The following ZFYVE19 variants were observed in gnomAD, a reference collection of about 807,000 sequenced individuals.
ZFYVE19 encodes the protein zinc finger FYVE-type containing 19.
In ZFYVE19, 49 loss-of-function variants were observed where a neutral mutation model predicts 62.8. The ratio of observed to expected loss-of-function variants is 0.78; its 90% CI spans 0.62 to 0.99. ZFYVE19 has a LOEUF of 0.99. Among genes scored for constraint, ZFYVE19 ranks in the 50% least tolerant of loss-of-function variants. The pLI is 0.00. For synonymous variants in ZFYVE19, 242 were observed against 234.3 expected (o/e 1.03, Z -0.30); for missense variants, 630 against 601.9 (o/e 1.05, Z -0.49).
At chr15:40,813,452 C>A in intron 8 of ZFYVE19, 35 bp downstream of exon 8, 1 of 1,561,580 alleles carries the variant, frequency 6.4e-7, no homozygotes, top group South Asian at 1.2e-5. Context: ...ACCCCTTGTC[C>A]CGTCTCCGCC....
At chr15:40,810,961 T>C (rs1038742488) in intron 6 of ZFYVE19, 1 of 578,950 alleles carries the variant, frequency 1.7e-6, no homozygotes, top group Non-Finnish European at 2.9e-6. Flanking sequence ...CAGACAGTGA[T>C]TCCCATTTCT....
In ZFYVE19 at chr15:40,807,821, A is replaced by T. The variant is rs770919977; in HGVS notation, c.232A>T (p.Ser78Cys). 1 of 1,542,062 alleles carries T rather than the reference A, an allele frequency of 6.5e-7. No individual in the cohort carries two copies. The highest frequency in any genetic ancestry group is 1.2e-5 in the South Asian group (1 of 82,254). Residue 78 changes from serine to cysteine, a missense_variant, in exon 1 of 11, where the codon AGT becomes TGT. Physicochemically the swap from Ser to Cys is moderately radical, Grantham distance 112 (BLOSUM62 -1). Transcript: ENST00000355341. ...TGCGGTGCTGGGAGCCACCATGGAG[A>T]GTAGGTGCTACGGCTGCGCTGTCAA... ...DPAVLGATMESRCYGCAVKFT... is the reference protein window; with the variant it reads ...DPAVLGATMECRCYGCAVKFT...
At position 40,807,771 on chromosome 15, in the gene ZFYVE19, G is replaced by A; in HGVS notation, c.182G>A (p.Arg61Gln). Residue 61 changes from arginine (R) to glutamine (Q), a missense_variant, in exon 1 of 11, where the codon CGG becomes CAG. Coordinates refer to ENST00000355341, the MANE Select transcript of ZFYVE19 (RefSeq NM_001077268.2). ...GEGPRGPGLG[R>Q]RDLSSADPAV... is the part of the protein sequence containing the mutation. Reference sequence around the variant, plus strand: ...GGTCCAAGGGGCCCAGGACTTGGCCGGCGTGATCTCAGCTCTGCAGACCCT... The same window carrying A: ...GGTCCAAGGGGCCCAGGACTTGGCCAGCGTGATCTCAGCTCTGCAGACCCT... The A allele has an allele frequency of 6.3e-7, 1 of 1,583,214 alleles. No individual in the cohort carries two copies. Among genetic ancestry groups the A allele is most frequent in the Non-Finnish European group, 8.6e-7 (1 of 1,169,072 alleles).
rs1299878217 is a variant in ZFYVE19 at position 40,809,850 on chromosome 15, A to G, written c.453-2A>G. ...AAGAGCCTCTATCTCATATCCTGCC[A>G]GGCGTGTGGCAGCCTTGGAAGCCAA... On this transcript the variant is annotated splice_acceptor_variant, in intron 3 of 10. Transcript: ENST00000355341. LOFTEE classifies it high-confidence loss of function. 6.2e-7 allele frequency: 1 copy of G among 1,614,150 alleles called. No individual in the cohort carries two copies.
At chr15:40,811,285 T>C (rs1344584105) in intron 6 of ZFYVE19, among the ~76,000 whole-genome samples, 2 of 152,248 alleles carry the variant, frequency 1.3e-5, no homozygotes, top group African/African-American at 2.4e-5. Flanking sequence ...ATATGGAATG[T>C]TTCCATCATC....
In ZFYVE19 at chr15:40,814,079, A is replaced by C. The variant is rs142113359; in HGVS notation, c.1337+9A>C. ...TGTGCCCGCTGCTTCCGGTGGGTGCAGGTGGAATGTTCTGTGCGAGAGCTC... is the reference window on the plus strand; with the variant it reads ...TGTGCCCGCTGCTTCCGGTGGGTGCCGGTGGAATGTTCTGTGCGAGAGCTC... On this transcript the variant is annotated intron_variant, in intron 10 of 10. Coordinates refer to ENST00000355341, the MANE Select transcript of ZFYVE19 (RefSeq NM_001077268.2). 117 of 1,614,100 alleles carry C rather than the reference A, an allele frequency of 7.2e-5. No individual in the cohort carries two copies. The African/African-American group carries it at 1.4e-3, about 20-fold the overall frequency.
intron 6 of ZFYVE19, among the ~76,000 whole-genome samples, chr15:40,811,266 T>A (rs545464306): frequency 2.0e-5 from 3 of 152,214 alleles, no homozygotes; most frequent in African/African-American, 7.2e-5. Flanking sequence ...AGCACAGATA[T>A]AGAACATGAT....
At position 40,811,266 on chromosome 15, in the gene ZFYVE19, T is replaced by C. The variant is rs545464306; in HGVS notation, c.826+509T>C. On this transcript the variant is annotated intron_variant, in intron 6 of 10. Transcript: ENST00000355341. ...GCTACCATCTTGGACAGCACAGATA[T>C]AGAACATGATATGGAATGTTTCCAT... Among the ~76,000 whole-genome samples, 9 of 152,332 alleles carry C rather than the reference T, an allele frequency of 5.9e-5. No individual in the cohort carries two copies. The South Asian group carries it at 6.2e-4, about 11-fold the overall frequency.
At position 40,814,331 on chromosome 15, in the gene ZFYVE19, G is replaced by A; in HGVS notation, c.*105G>A. The A allele has an allele frequency of 7.0e-6, 9 of 1,281,186 alleles. No individual in the cohort carries two copies. The highest frequency in any genetic ancestry group is 7.7e-6 in the Non-Finnish European group (7 of 909,546). The allele number at this position is 1,281,186 out of a possible 1,614,324, so 79.4% of individuals were successfully genotyped here. On this transcript the variant is annotated 3_prime_UTR_variant, in exon 11 of 11. Transcript: ENST00000355341. ...GGAGAGCTTGTCTGGCTCTACTGAT[G>A]ATGGATAGGCCCCTTCCTGAGCCTT...
At chr15:40,814,098 A>T in intron 10 of ZFYVE19, 28 bp downstream of exon 10, 1 of 1,614,172 alleles carries the variant, frequency 6.2e-7, no homozygotes, top group Non-Finnish European at 8.5e-7. Flanking sequence ...GTTCTGTGCG[A>T]GAGCTCAAGG....
At chr15:40,808,518 G>A in intron 1 of ZFYVE19, 1 of 1,301,112 alleles carries the variant, frequency 7.7e-7, no homozygotes, top group Non-Finnish European at 1.0e-6. Context: ...TCAAATCTGA[G>A]CTCTGCTGTC....
rs372564846 is a variant in ZFYVE19, at chr15:40,808,260, C to T, written c.279+392C>T. 115 of 1,597,104 alleles carry T rather than the reference C, an allele frequency of 7.2e-5. No homozygotes were observed. In the African/African-American group the frequency reaches 1.3e-3, roughly 19 times the overall value. ...AAATCTTCCCCATCCCGCAGCCTGC[C>T]CTTCTCCAGGTCGCTGGAGTTAGAT... On this transcript the variant is annotated intron_variant, in intron 1 of 10. Coordinates refer to ENST00000355341, the MANE Select transcript of ZFYVE19 (RefSeq NM_001077268.2).
At chr15:40,809,743 G>T in intron 3 of ZFYVE19, 109 bp from the exon 4 acceptor site, 1 of 1,228,128 alleles carries the variant, frequency 8.1e-7, no homozygotes, top group South Asian at 1.3e-5. Context: ...CCCATTGGAG[G>T]CCTCCCTAAG....
At chr15:40,809,512 A>G in intron 3 of ZFYVE19, 54 bp downstream of exon 3, 1 of 1,592,592 alleles carries the variant, frequency 6.3e-7, no homozygotes, top group Non-Finnish European at 8.6e-7. Flanking sequence ...TAAGGGAGCC[A>G]TAGGGAAAGA....
Position 40,807,886 on chromosome 15 carries a change from GA to G in ZFYVE19, c.279+19del. 2.6e-6 allele frequency: 4 copies of G among 1,539,826 alleles called. No homozygotes were observed. The highest frequency in any genetic ancestry group is 3.5e-6 in the Non-Finnish European group (4 of 1,151,190). On this transcript the variant is annotated intron_variant, in intron 1 of 10. Coordinates refer to ENST00000355341, the MANE Select transcript of ZFYVE19 (RefSeq NM_001077268.2). ...AGAAGGAGGCGAGTCTTCCCTCCCC[GA>G]GGGCTGCAGGGCCAGGGAGGAGAGG...
Position 40,814,594 on chromosome 15 carries a change from T to G in ZFYVE19, c.*368T>G, listed in dbSNP as rs1369443673. The G allele has an allele frequency of 6.6e-6, 2 of 303,778 alleles. No individual in the cohort carries two copies. Among genetic ancestry groups the G allele is most frequent in the Non-Finnish European group, 6.4e-6 (1 of 155,686 alleles). 18.8% of individuals were successfully genotyped at this position (303,778 alleles called of 1,614,324 possible). Reference sequence around the variant, plus strand: ...GCCCAGCATCTCATTTCTACAACCCTATGAGCCTGGGCCCTGTGAGAGGTG... The same window carrying G: ...GCCCAGCATCTCATTTCTACAACCCGATGAGCCTGGGCCCTGTGAGAGGTG... On this transcript the variant is annotated 3_prime_UTR_variant, in exon 11 of 11. Coordinates refer to ENST00000355341, the MANE Select transcript of ZFYVE19 (RefSeq NM_001077268.2).
At chr15:40,812,943 C>T (rs1455963394) in intron 7 of ZFYVE19, 41 bp downstream of exon 7, 1 of 1,598,522 alleles carries the variant, frequency 6.3e-7, no homozygotes, top group South Asian at 1.1e-5. Context: ...ATCCCTTGGT[C>T]AAGGCCTCCC....
At position 40,814,890 on chromosome 15, in the gene ZFYVE19, A is replaced by G. The variant is rs1440621557; in HGVS notation, c.*664A>G. On this transcript the variant is annotated 3_prime_UTR_variant, in exon 11 of 11. Coordinates refer to ENST00000355341, the MANE Select transcript of ZFYVE19 (RefSeq NM_001077268.2). Reference sequence around the variant, plus strand: ...CACCCTGCTTCCTGCCTTACTGGCAAAGGACCCCAGCTCCTAGGGCTCCTG... The same window carrying G: ...CACCCTGCTTCCTGCCTTACTGGCAGAGGACCCCAGCTCCTAGGGCTCCTG... The G allele has an allele frequency of 6.5e-6, 1 of 154,440 alleles. No homozygotes were observed. The highest frequency in any genetic ancestry group is 1.4e-5 in the Non-Finnish European group (1 of 69,580). 9.6% of individuals were successfully genotyped at this position (154,440 alleles called of 1,614,324 possible). A position where few individuals can be genotyped will look rare whatever the true frequency, so the allele number is the denominator to read the frequency against.
In ZFYVE19 at chr15:40,807,127, G is replaced by C; in HGVS notation, c.-463G>C. On this transcript the variant is annotated 5_prime_UTR_variant, in exon 1 of 11. Transcript: ENST00000355341. ...TCGCCCCGCGGCCTCTAGGAGACAGGGGCCACGGGGAGAGCACAGCCACCC... is the reference window on the plus strand; with the variant it reads ...TCGCCCCGCGGCCTCTAGGAGACAGCGGCCACGGGGAGAGCACAGCCACCC... 1 of 975,846 alleles carries C rather than the reference G, an allele frequency of 1.0e-6. No homozygotes were observed. The highest frequency in any genetic ancestry group is 1.5e-6 in the Non-Finnish European group (1 of 680,450). The allele number at this position is 975,846 out of a possible 1,614,324, so 60.4% of individuals were successfully genotyped here. A position where few individuals can be genotyped will look rare whatever the true frequency, so the allele number is the denominator to read the frequency against.
Sources: allele counts gnomAD v4.1 joint callset (sites outside exome capture counted in the v4.1 genomes callset), GRCh38; gene constraint gnomAD v4.1.1; transcripts MANE v1.5; gene names NCBI Gene and HGNC (gene_info 2026-07-23, HGNC 2026-07-21).